Variants in CEP290 observed in about 807,000 individuals in gnomAD.
CEP290 encodes centrosomal protein of 290 kDa.
In CEP290, 317 loss-of-function variants were observed where a neutral mutation model predicts 344.9. The ratio of observed to expected loss-of-function variants is 0.92; its 90% confidence interval spans 0.84 to 1.01. CEP290 has a LOEUF of 1.01. CEP290 is among the 50% of genes least tolerant of loss of function. The pLI is 0.00. For missense variants in CEP290, 2,754 were observed against 2,761.4 expected (o/e 1.00, Z 0.06); for synonymous variants, 932 against 895.8 (o/e 1.04, Z -0.72).
At chr12:88,064,258 C>A in intron 44 of CEP290, 143 bp from the exon 45 acceptor site, 1 of 625,940 alleles carries the variant, frequency 1.6e-6, no homozygotes, top group African/African-American at 1.9e-5. Context: ...TGGTGAAAGC[C>A]AAAAATAAAT....
At chr12:88,076,588 C>T (rs2035791653) in intron 41 of CEP290, among the ~76,000 whole-genome samples, 1 of 148,192 alleles carries the variant, frequency 6.7e-6, no homozygotes, top group Non-Finnish European at 1.5e-5. Context: ...AATTTAATTA[C>T]ACGCATTTTA....
chr12:88,139,664 C>T, intron 3 of CEP290, 100 bp from the exon 4 acceptor site: 1 of 826,480 alleles, frequency 1.2e-6, no homozygotes, highest in Non-Finnish European at 1.7e-6. Context: ...TTAGTGCCAG[C>T]AATGGCTGGC....
At chr12:88,068,668 C>CT in intron 43 of CEP290, 23 bp from the exon 44 acceptor site, 1 of 1,563,696 alleles carries the variant, frequency 6.4e-7, no homozygotes, top group Non-Finnish European at 8.6e-7. Context: ...ATCACAGACT[C>CT]TTTACTATTC....
At chr12:88,122,100 C>A (rs537509883) in intron 13 of CEP290, among the ~76,000 whole-genome samples, 11 of 152,002 alleles carry the variant, frequency 7.2e-5, no homozygotes, top group Non-Finnish European at 1.5e-5. Context: ...AAAACTAGTA[C>A]GTTTGAGATC....
rs78350458 is a variant in CEP290 at position 88,132,267 on chromosome 12, G to C, written c.442-1049C>G. Among the ~76,000 whole-genome samples, 1,039 of 151,596 alleles carry C rather than the reference G, an allele frequency of 6.9e-3. 16 individuals carry two copies. Among genetic ancestry groups the C allele is most frequent in the African/African-American group, 0.024 (1,000 of 41,314 alleles). ...CCTCTTATGACCTTTCATTTTTCTG[G>C]TTCTCCTCTTTATTAAAGGAGACGA... is the stretch of plus-strand genomic sequence containing the variant. On this transcript the variant is annotated intron_variant, in intron 6 of 53. Transcript: ENST00000552810.
At position 88,109,257 on chromosome 12, in the gene CEP290, A is replaced by G. The variant is rs1373904441; in HGVS notation, c.2368-76T>C. ...ATGCTGAATTTGAAAGTATAAATTC[A>G]TATTCTGACAACATTATAGGAAAGT... On this transcript the variant is annotated intron_variant, in intron 22 of 53. Coordinates refer to ENST00000552810, the MANE Select transcript of CEP290 (RefSeq NM_025114.4). 3 of 578,222 alleles carry G rather than the reference A, an allele frequency of 5.2e-6. No homozygotes were observed. The African/African-American group carries it at 6.0e-5, about 12-fold the overall frequency. 35.8% of individuals were successfully genotyped at this position (578,222 alleles called of 1,614,324 possible).
intron 52 of CEP290, among the ~76,000 whole-genome samples, chr12:88,052,663 G>A (rs749063019): frequency 1.1e-4 from 16 of 151,604 alleles, no homozygotes; most frequent in East Asian, 3.9e-4. Context: ...ATACATACAC[G>A]CATATATATA....
At chr12:88,069,755 A>G (rs1440845799) in intron 43 of CEP290, among the ~76,000 whole-genome samples, 3 of 152,240 alleles carry the variant, frequency 2.0e-5, no homozygotes, top group Admixed American at 6.5e-5. Context: ...ACAGACATTA[A>G]CACAGACTAA....
At chr12:88,098,544 C>T (rs1461672709) in intron 26 of CEP290, among the ~76,000 whole-genome samples, 1 of 150,868 alleles carries the variant, frequency 6.6e-6, no homozygotes, top group Non-Finnish European at 1.5e-5. Context: ...CCCAGGAGGG[C>T]AAGGCTGCAA....
intron 34 of CEP290, among the ~76,000 whole-genome samples, chr12:88,085,743 A>G (rs138542942): frequency 8.0e-4 from 122 of 152,244 alleles, no homozygotes; most frequent in Non-Finnish European, 1.0e-3. Context: ...AAAAGTAAGA[A>G]TAAAGAGATC....
At chr12:88,096,794 T>C (rs1342825343) in intron 27 of CEP290, 94 bp downstream of exon 27, 1 of 645,496 alleles carries the variant, frequency 1.5e-6, no homozygotes, top group African/African-American at 1.9e-5. Context: ...GTCAAAATAC[T>C]TCCTTTTAAT....
chr12:88,116,959 G>A lies in CEP290; in HGVS notation c.1824+74C>T, dbSNP rs552194827. ...ACTGCACTCCAGCCTGGGAGACAGAGCGAGACTCCGTCTCAAAAAAAAAAA... is the reference window on the plus strand; with the variant it reads ...ACTGCACTCCAGCCTGGGAGACAGAACGAGACTCCGTCTCAAAAAAAAAAA... On this transcript the variant is annotated intron_variant, in intron 18 of 53. Transcript: ENST00000552810. 3.0e-4 allele frequency: 225 copies of A among 744,262 alleles called. No homozygotes were observed. The African/African-American group carries it at 4.2e-3, about 14-fold the overall frequency. The allele number at this position is 744,262 out of a possible 1,614,324, so 46.1% of individuals were successfully genotyped here.
chr12:88,136,527 G>T, intron 6 of CEP290, 116 bp downstream of exon 6: 1 of 1,003,756 alleles, frequency 1.0e-6, no homozygotes, highest in Non-Finnish European at 1.5e-6. Context: ...TTAGAGATAA[G>T]TGTACATCAT....
chr12:88,098,247 G>A (rs2037590162), intron 26 of CEP290, among the ~76,000 whole-genome samples: 1 of 151,578 alleles, frequency 6.6e-6, no homozygotes, highest in African/African-American at 2.4e-5. Context: ...GGAGGTTGCA[G>A]TGAGCTGAGA....
At chr12:88,093,659 A>G (rs1032671407) in intron 28 of CEP290, 111 bp downstream of exon 28, 2 of 738,230 alleles carry the variant, frequency 2.7e-6, no homozygotes, top group Non-Finnish European at 4.5e-6. Flanking sequence ...CATAGGCACT[A>G]TATTAATAAG....
At chr12:88,090,372 C>A (rs1446878968) in intron 30 of CEP290, among the ~76,000 whole-genome samples, 3 of 152,138 alleles carry the variant, frequency 2.0e-5, no homozygotes, top group African/African-American at 7.2e-5. Flanking sequence ...TGGCTCATAC[C>A]TGTAATCCCA....
Position 88,117,066 on chromosome 12 carries a change from C to G in CEP290, c.1791G>C (p.Leu597Phe). 1 of 1,552,376 alleles carries G rather than the reference C, an allele frequency of 6.4e-7. No homozygotes were observed. The highest frequency in any genetic ancestry group is 8.8e-7 in the Non-Finnish European group (1 of 1,142,226). ...GTGCTTCACTCATATTTTTGAGGCT[C>G]AATAAATCCAATTTTCTTTCACTTA... is the stretch of plus-strand genomic sequence containing the variant. ...DRISERKLDL[L>F]SLKNMSEAQS... Residue 597 changes from leucine to phenylalanine, a missense_variant, in exon 18 of 54, where the codon TTG becomes TTC. Leu to Phe is a conservative substitution (Grantham distance 22). Transcript: ENST00000552810.
At chr12:88,131,247 A>C (rs2040051372) in intron 6 of CEP290, 29 bp from the exon 7 acceptor site, 3 of 1,432,452 alleles carry the variant, frequency 2.1e-6, no homozygotes, top group Non-Finnish European at 2.8e-6. Context: ...AAAATAAATA[A>C]GAAGAAGATA....
intron 3 of CEP290, among the ~76,000 whole-genome samples, chr12:88,140,624 G>A (rs1344105442): frequency 6.6e-6 from 1 of 152,154 alleles, no homozygotes; most frequent in East Asian, 1.9e-4. Flanking sequence ...CCTTTGTGAA[G>A]TCTTCTGACA....
Sources: allele counts gnomAD v4.1 joint callset (sites outside exome capture counted in the v4.1 genomes callset), GRCh38; gene constraint gnomAD v4.1.1; transcripts MANE v1.5; gene names NCBI Gene and HGNC (gene_info 2026-07-23, HGNC 2026-07-21).